Variants in NUP37 observed in about 807,000 individuals in gnomAD.
NUP37 encodes the protein nucleoporin 37.
NUP37 carries 33 observed loss-of-function variants against 45.4 expected under a neutral mutation model. That is an observed-to-expected ratio of 0.73 (90% CI 0.55 to 0.97). The LOEUF (loss-of-function observed/expected upper bound fraction) is 0.97, where lower values mean the gene tolerates loss of function less well. Ranked by LOEUF, NUP37 falls within the 50% of genes least tolerant of loss-of-function variation. The pLI, the probability that NUP37 is intolerant of heterozygous loss-of-function variation, is 0.00. For synonymous variants in NUP37, 127 were observed against 130.7 expected (o/e 0.97, Z 0.19); for missense variants, 365 against 389.7 (o/e 0.94, Z 0.53).
chr12:102,105,593 G>A (rs955477813), intron 3 of NUP37, among the ~76,000 whole-genome samples: 1 of 151,992 alleles, frequency 6.6e-6, no homozygotes, highest in Non-Finnish European at 1.5e-5. Flanking sequence ...GCCAGGCACA[G>A]TGGCTCCCGC....
chr12:102,118,289 T>C, intron 2 of NUP37, 74 bp downstream of exon 2: 1 of 1,378,050 alleles, frequency 7.3e-7, no homozygotes, highest in African/African-American at 1.4e-5. Flanking sequence ...TTTCAAAGTT[T>C]AGATTTGGTT....
chr12:102,106,700 T>C (rs1565835708), intron 3 of NUP37, among the ~76,000 whole-genome samples: 1 of 152,186 alleles, frequency 6.6e-6, no homozygotes, highest in Non-Finnish European at 1.5e-5. Context: ...ATTACAGGTC[T>C]GGCAAAAAGC....
intron 8 of NUP37, 40 bp from the exon 9 acceptor site, chr12:102,075,134 A>G: frequency 1.6e-6 from 2 of 1,264,732 alleles, no homozygotes; most frequent in Non-Finnish European, 2.3e-6. Context: ...ATCGTATCCT[A>G]TGGATAATGA....
chr12:102,095,006 G>A (rs968022644), intron 5 of NUP37, among the ~76,000 whole-genome samples: 2 of 152,000 alleles, frequency 1.3e-5, no homozygotes, highest in Admixed American at 6.6e-5. Flanking sequence ...GTTACAGTGC[G>A]TACTAGGTCT....
intron 3 of NUP37, 44 bp downstream of exon 3, chr12:102,112,064 C>A: frequency 1.9e-6 from 3 of 1,577,082 alleles, no homozygotes; most frequent in South Asian, 2.3e-5. Context: ...GTAACACAAT[C>A]AAAGTACATT....
chr12:102,109,181 T>C (rs1352838360), intron 3 of NUP37, among the ~76,000 whole-genome samples: 1 of 152,018 alleles, frequency 6.6e-6, no homozygotes, highest in African/African-American at 2.4e-5. Context: ...AGAACTGAAA[T>C]AACATGAACA....
Position 102,099,143 on chromosome 12 carries a change from G to A in NUP37, c.412C>T (p.Gln138Ter). ...TCGTCACTCACACTTGCAATTTCTTGGCCTTCTTTGGGATCAAACACCAAA... is the reference window on the plus strand; with the variant it reads ...TCGTCACTCACACTTGCAATTTCTTAGCCTTCTTTGGGATCAAACACCAAA... ...NGLVFDPKEG[Q>*]EIASVSDDHT... is the part of the protein sequence containing the mutation. The change falls in exon 5 of 10, where the codon CAA (glutamine) becomes TAA (stop). Residue 138 changes from glutamine to a stop codon, truncating the protein, a stop_gained. Transcript: ENST00000552283. LOFTEE classifies it high-confidence loss of function. The A allele has an allele frequency of 6.2e-7, 1 of 1,613,494 alleles. No homozygotes were observed. Among genetic ancestry groups the A allele is most frequent in the Non-Finnish European group, 8.5e-7 (1 of 1,179,686 alleles).
intron 6 of NUP37, among the ~76,000 whole-genome samples, chr12:102,082,612 G>T (rs1429715666): frequency 6.6e-6 from 1 of 152,198 alleles, no homozygotes; most frequent in African/African-American, 2.4e-5. Flanking sequence ...ACTTGTCAGA[G>T]ATCACACAGC....
chr12:102,106,646 T>G, intron 3 of NUP37, among the ~76,000 whole-genome samples: 1 of 152,280 alleles, frequency 6.6e-6, no homozygotes, highest in East Asian at 1.9e-4. Context: ...ATACCTATAT[T>G]TAATTAACAA....
At chr12:102,118,869 C>A in intron 1 of NUP37, 1 of 199,452 alleles carries the variant, frequency 5.0e-6, no homozygotes, top group Non-Finnish European at 1.0e-5. Context: ...AAGATGGAAT[C>A]ATTTTAACAG....
At chr12:102,114,849 CTAAT>C (rs1880418617) in intron 2 of NUP37, among the ~76,000 whole-genome samples, 1 of 152,186 alleles carries the variant, frequency 6.6e-6, no homozygotes, top group Non-Finnish European at 1.5e-5. Flanking sequence ...GGGGATAGCT[CTAAT>C]TATTAGAAGA....
intron 5 of NUP37, 87 bp downstream of exon 5, chr12:102,099,019 A>G (rs781546080): frequency 1.1e-6 from 1 of 900,834 alleles, no homozygotes; most frequent in Non-Finnish European, 1.8e-6. Context: ...AATTTATGTA[A>G]AAGTCACATT....
intron 5 of NUP37, among the ~76,000 whole-genome samples, chr12:102,095,458 T>C (rs1359186307): frequency 2.6e-5 from 4 of 152,100 alleles, no homozygotes; most frequent in African/African-American, 9.6e-5. Context: ...TACATGTATA[T>C]GCATGTGAGT....
chr12:102,101,207 T>C, intron 3 of NUP37, 103 bp from the exon 4 acceptor site: 1 of 572,570 alleles, frequency 1.7e-6, no homozygotes, highest in East Asian at 3.2e-5. Flanking sequence ...GCTTTTATCA[T>C]AACTCATAAT....
chr12:102,095,870 C>T (rs1015882719), intron 5 of NUP37, among the ~76,000 whole-genome samples: 1 of 152,014 alleles, frequency 6.6e-6, no homozygotes. Flanking sequence ...TGTAGAACTC[C>T]AGATGGCACT....
rs929037636 is a variant in NUP37, at chr12:102,116,670, T to A, written c.156+1693A>T. On this transcript the variant is annotated intron_variant, in intron 2 of 9. Coordinates refer to ENST00000552283, the MANE Select transcript of NUP37 (RefSeq NM_024057.4). ...AAAGCTTTATATATTCATTGTGCTATAAAATGCCAAATTGCATTTTTGATG... is the reference window on the plus strand; with the variant it reads ...AAAGCTTTATATATTCATTGTGCTAAAAAATGCCAAATTGCATTTTTGATG... Among the ~76,000 whole-genome samples the A allele has an allele frequency of 3.3e-5, 5 of 152,254 alleles. No individual in the cohort carries two copies. The East Asian group carries it at 9.6e-4, about 29-fold the overall frequency.
chr12:102,103,976 C>T (rs1215734134), intron 3 of NUP37, among the ~76,000 whole-genome samples: 3 of 152,080 alleles, frequency 2.0e-5, no homozygotes, highest in Non-Finnish European at 4.4e-5. Context: ...CCCATTTTTG[C>T]CACTTATATT....
chr12:102,116,863 A>T (rs1302849777), intron 2 of NUP37, among the ~76,000 whole-genome samples: 4 of 152,114 alleles, frequency 2.6e-5, no homozygotes, highest in Non-Finnish European at 1.5e-5. Flanking sequence ...TTAGCTGGGC[A>T]TGGTGGCACG....
intron 3 of NUP37, among the ~76,000 whole-genome samples, chr12:102,110,358 G>C (rs565928974): frequency 1.3e-5 from 2 of 151,434 alleles, no homozygotes; most frequent in Non-Finnish European, 2.9e-5. Flanking sequence ...AAAATTAGCC[G>C]GGAGTGGTGG....
Sources: gnomAD v4.1 joint callset for allele counts (sites outside exome capture counted in the v4.1 genomes callset) on GRCh38, gnomAD v4.1.1 for gene constraint, MANE v1.5 for transcripts, NCBI Gene and HGNC (gene_info 2026-07-23, HGNC 2026-07-21) for gene names.